The following USP49 variants were observed in gnomAD, a reference collection of about 807,000 sequenced individuals.
USP49 encodes the protein ubiquitin specific peptidase 49, also known as ubiquitin carboxyl-terminal hydrolase 49.
In USP49, 24 loss-of-function variants were observed where a neutral mutation model predicts 58.6. The observed-to-expected ratio is 0.41, with a 90% CI of 0.30 to 0.58. The LOEUF (loss-of-function observed/expected upper bound fraction) is 0.58. USP49 is among the 20% of genes least tolerant of loss of function. USP49 has a pLI of 0.30. For synonymous variants in USP49, 408 were observed against 365.1 expected (o/e 1.12, Z -1.34); for missense variants, 703 against 866.1 (o/e 0.81, Z 2.36).
At chr6:41,836,340 C>T (rs1773726921) in intron 3 of USP49, among the ~76,000 whole-genome samples, 1 of 152,050 alleles carries the variant, frequency 6.6e-6, no homozygotes, top group African/African-American at 2.4e-5. Flanking sequence ...GTTGAAAATC[C>T]TCAACAAACT....
chr6:41,844,153 GGA>G (rs1773878620), intron 3 of USP49, among the ~76,000 whole-genome samples: 1 of 152,018 alleles, frequency 6.6e-6, no homozygotes, highest in Admixed American at 6.5e-5. Flanking sequence ...CTCAGGAGGC[GGA>G]GGTTATGGGG....
Position 41,803,850 on chromosome 6 carries a change from G to A in USP49, c.1517C>T (p.Thr506Ile). Reference protein sequence around the residue: ...LTEMLAKFTETEALEGRIYAC... With the variant: ...LTEMLAKFTEIEALEGRIYAC... ...GTAGATTCTCCCTTCCAGGGCCTCT[G>A]TCTCTGTGAATTTGGCCAGCATCTC... Residue 506 changes from threonine (T) to isoleucine (I), a missense_variant, in exon 5 of 8, where the codon ACA becomes ATA. By Grantham distance (89) the Thr-to-Ile change is moderately conservative. Around this residue, in one of 6 missense-constraint regions of USP49, gnomAD observed 158 missense variants for 241.2 expected, o/e 0.66. Coordinates refer to ENST00000682992, the MANE Select transcript of USP49 (RefSeq NM_001286554.2). This position sits in a 1 kb window ranked among gnomAD's most constrained non-coding sequence, Gnocchi z 4.1. 6.2e-7 allele frequency: 1 copy of A among 1,614,156 alleles called. No individual in the cohort carries two copies.
chr6:41,799,001 T>C, intron 6 of USP49, 72 bp from the exon 7 acceptor site: 2 of 1,519,976 alleles, frequency 1.3e-6, no homozygotes, highest in Admixed American at 2.2e-5. Flanking sequence ...TAGGTATTAA[T>C]AAAACAGGAA....
Position 41,806,641 on chromosome 6 carries a change from G to A in USP49, c.343C>T (p.Arg115Trp). The part of the protein sequence containing the change: ...QKQDTPVRRG[R>W]TLRSMASGED... ...CCCGAAGCCATGGACCGCAGCGTCC[G>A]CCCACGTCTCACCGGCGTGTCCTGT... Residue 115 changes from arginine to tryptophan, a missense_variant, in exon 4 of 8, where the codon CGG (arginine) becomes TGG (tryptophan). Coordinates refer to ENST00000682992, the MANE Select transcript of USP49 (RefSeq NM_001286554.2). The surrounding 1 kb of genome is among the most constrained non-coding windows in gnomAD (Gnocchi z 5.9). 2 of 1,613,418 alleles carry A rather than the reference G, an allele frequency of 1.2e-6. No homozygotes were observed. The highest frequency in any genetic ancestry group is 1.1e-5 in the South Asian group (1 of 91,064).
chr6:41,835,777 G>A (rs1773715347), intron 3 of USP49, among the ~76,000 whole-genome samples: 1 of 150,356 alleles, frequency 6.7e-6, no homozygotes, highest in Non-Finnish European at 1.5e-5. Context: ...TAAAATTTAT[G>A]AAATGATATA....
chr6:41,891,359 T>C (rs563342406), intron 2 of USP49, among the ~76,000 whole-genome samples: 1 of 152,352 alleles, frequency 6.6e-6, no homozygotes, highest in South Asian at 2.1e-4. Context: ...ACCAAATAAA[T>C]AGTTGTAGGA....
intron 3 of USP49, among the ~76,000 whole-genome samples, chr6:41,852,897 G>T (rs1774055041): frequency 6.6e-6 from 1 of 152,150 alleles, no homozygotes; most frequent in African/African-American, 2.4e-5. Context: ...CCTTAAAAAT[G>T]AAAGAATTCT....
intron 3 of USP49, among the ~76,000 whole-genome samples, chr6:41,844,758 T>C (rs1163110342): frequency 1.7e-5 from 2 of 115,074 alleles, no homozygotes; most frequent in African/African-American, 6.4e-5. Flanking sequence ...TATTTCTTTA[T>C]GAATTATGGT....
At chr6:41,891,615 A>G (rs1309948011) in intron 2 of USP49, among the ~76,000 whole-genome samples, 179 bp downstream of exon 2, 1 of 152,152 alleles carries the variant, frequency 6.6e-6, no homozygotes, top group Admixed American at 6.5e-5. Flanking sequence ...TTTTTACTCA[A>G]AAATTGAGAA....
Position 41,799,956 on chromosome 6 carries a change from G to A in USP49, c.1562-18C>T, listed in dbSNP as rs371101366. 1.1e-5 allele frequency: 17 copies of A among 1,610,578 alleles called. No individual in the cohort carries two copies. The highest frequency in any genetic ancestry group is 1.4e-5 in the Non-Finnish European group (16 of 1,177,002). Reference sequence around the variant, plus strand: ...TCGTTTGCCTATGTGGTTTGGGAAGGTATAAGACATAGGTTGTGAGGAGTT... The same window carrying A: ...TCGTTTGCCTATGTGGTTTGGGAAGATATAAGACATAGGTTGTGAGGAGTT... On this transcript the variant is annotated intron_variant, in intron 5 of 7. Transcript: ENST00000682992.
chr6:41,891,743 C>A (rs921479265), intron 2 of USP49, 51 bp downstream of exon 2: 2 of 152,098 alleles, frequency 1.3e-5, no homozygotes, highest in African/African-American at 2.4e-5. Flanking sequence ...CAGAGGTTAC[C>A]ACATTACTGC....
At chr6:41,856,118 A>G (rs1455141507) in intron 3 of USP49, among the ~76,000 whole-genome samples, 1 of 152,048 alleles carries the variant, frequency 6.6e-6, no homozygotes, top group Non-Finnish European at 1.5e-5. Flanking sequence ...TTATGCCTGT[A>G]ATCCCAGCAC....
At chr6:41,889,800 TA>T (rs1774779492) in intron 2 of USP49, among the ~76,000 whole-genome samples, 1 of 152,250 alleles carries the variant, frequency 6.6e-6, no homozygotes, top group Non-Finnish European at 1.5e-5. Context: ...AAGGTCTTCA[TA>T]TGCATTTTCT....
intron 3 of USP49, among the ~76,000 whole-genome samples, chr6:41,870,163 T>G (rs1256807201): frequency 1.3e-5 from 2 of 152,234 alleles, no homozygotes; most frequent in Non-Finnish European, 2.9e-5. Flanking sequence ...TAACATTTAC[T>G]AAACACTTAC....
intron 3 of USP49, among the ~76,000 whole-genome samples, chr6:41,807,484 A>C (rs1367293370): frequency 1.3e-5 from 2 of 152,232 alleles, no homozygotes; most frequent in Non-Finnish European, 2.9e-5. Context: ...TCTGTCGCCC[A>C]GGCTGGAGTG....
intron 3 of USP49, among the ~76,000 whole-genome samples, chr6:41,831,725 C>G (rs1773639402): frequency 6.6e-6 from 1 of 152,172 alleles, no homozygotes; most frequent in African/African-American, 2.4e-5. Context: ...CCACAACAAC[C>G]CATAACCTCC....
At chr6:41,851,450 ACAT>A (rs1371245207) in intron 3 of USP49, among the ~76,000 whole-genome samples, 1 of 152,196 alleles carries the variant, frequency 6.6e-6, no homozygotes, top group Non-Finnish European at 1.5e-5. Context: ...TTATGACAAA[ACAT>A]CAAACAAAGT....
At chr6:41,802,733 T>A (rs114055102) in intron 5 of USP49, among the ~76,000 whole-genome samples, 1,992 of 152,118 alleles carry the variant, frequency 0.013, 27 homozygotes, top group South Asian at 0.062. Context: ...AACATAAGCA[T>A]CCACATATTT....
intron 2 of USP49, among the ~76,000 whole-genome samples, chr6:41,882,831 G>A (rs1774636158): frequency 6.6e-6 from 1 of 152,092 alleles, no homozygotes; most frequent in Non-Finnish European, 1.5e-5. Context: ...CAGGAGAATT[G>A]CTTGAACCCA....
Sources: allele counts gnomAD v4.1 joint callset (sites outside exome capture counted in the v4.1 genomes callset), GRCh38; gene constraint gnomAD v4.1.1; regional missense constraint gnomAD v4.1.1; non-coding constraint Gnocchi (gnomAD v3.1); transcripts MANE v1.5; gene names NCBI Gene and HGNC (gene_info 2026-07-23, HGNC 2026-07-21).